CEACAM18: variants seen among roughly 807,000 people sequenced by gnomAD.
CEACAM18 encodes cell adhesion molecule CEACAM18.
In CEACAM18, 33 loss-of-function variants were observed where a neutral mutation model predicts 34.3. That is an observed-to-expected ratio of 0.96 (90% confidence interval 0.73 to 1.29). CEACAM18 has a LOEUF of 1.29. Ranked by LOEUF, CEACAM18 falls within the 50% of genes most tolerant of loss-of-function variation. CEACAM18 has a pLI of 0.00. For synonymous variants in CEACAM18, 169 were observed against 180.9 expected, an observed-to-expected ratio of 0.93 and a Z score of 0.53; for missense variants, 474 against 485.0, an observed-to-expected ratio of 0.98 and a Z score of 0.21.
intron 5 of CEACAM18, among the ~76,000 whole-genome samples, chr19:51,487,126 T>A (rs1262141116): frequency 6.6e-6 from 1 of 152,182 alleles, no homozygotes; most frequent in African/African-American, 2.4e-5. Context: ...ATTGAAAGAT[T>A]AAACATTAAG....
chr19:51,484,200 C>G (rs995046695), intron 4 of CEACAM18, among the ~76,000 whole-genome samples: 1 of 152,206 alleles, frequency 6.6e-6, no homozygotes, highest in Non-Finnish European at 1.5e-5. Context: ...AGCCACACTA[C>G]CTCCTAAGCA....
chr19:51,486,438 G>T (rs1990001022), intron 5 of CEACAM18, among the ~76,000 whole-genome samples: 1 of 152,068 alleles, frequency 6.6e-6, no homozygotes, highest in African/African-American at 2.4e-5. Context: ...TTGCATCATT[G>T]TGCCCGGAGG....
At chr19:51,481,492 C>G in exon 3 of CEACAM18, 2 of 1,613,970 alleles carry the variant, frequency 1.2e-6, no homozygotes, top group Admixed American at 1.7e-5. Flanking sequence ...ACCAACATCA[C>G]GTGGTATGTG....
chr19:51,488,012 T>C (rs540848507), intron 5 of CEACAM18, among the ~76,000 whole-genome samples: 2 of 152,306 alleles, frequency 1.3e-5, no homozygotes, highest in African/African-American at 2.4e-5. Context: ...AAACCAATTA[T>C]GTAGAATGTT....
exon 4 of CEACAM18, chr19:51,483,049 C>G: frequency 6.2e-7 from 1 of 1,614,010 alleles, no homozygotes; most frequent in East Asian, 2.2e-5. Flanking sequence ...GAGGAGCAAT[C>G]CTGATGATTT....
At chr19:51,486,988 C>G (rs1380674299) in intron 5 of CEACAM18, among the ~76,000 whole-genome samples, 1 of 151,828 alleles carries the variant, frequency 6.6e-6, no homozygotes, top group Non-Finnish European at 1.5e-5. Flanking sequence ...TCCCAAAGTG[C>G]TGGGGTTACA....
exon 2 of CEACAM18, chr19:51,480,532 T>C (rs1426502096): frequency 1.2e-6 from 2 of 1,613,984 alleles, no homozygotes; most frequent in Admixed American, 1.7e-5. Context: ...CCCAGCAGCC[T>C]GGGCCCATGT....
intron 5 of CEACAM18, among the ~76,000 whole-genome samples, chr19:51,488,575 G>A (rs973138212): frequency 2.6e-5 from 4 of 152,182 alleles, no homozygotes; most frequent in African/African-American, 9.6e-5. Flanking sequence ...GGAAATGCAG[G>A]GTTGTTGGCT....
At chr19:51,484,544 A>G (rs546205215) in intron 4 of CEACAM18, among the ~76,000 whole-genome samples, 118 of 150,700 alleles carry the variant, frequency 7.8e-4, no homozygotes, top group African/African-American at 2.7e-3. Flanking sequence ...CTGGTCTTGA[A>G]CTCTTGACCT....
intron 3 of CEACAM18, among the ~76,000 whole-genome samples, chr19:51,482,324 G>T (rs1458863323): frequency 6.6e-6 from 1 of 152,202 alleles, no homozygotes; most frequent in Non-Finnish European, 1.5e-5. Flanking sequence ...ACTGCTCACA[G>T]AGTTTAATAA....
exon 6 of CEACAM18, chr19:51,490,855 T>C: frequency 2.6e-6 from 1 of 384,634 alleles, no homozygotes; most frequent in East Asian, 3.7e-5. Flanking sequence ...CATTGGGCGC[T>C]TCATCTGCCA....
At chr19:51,482,037 C>T (rs1989925697) in intron 3 of CEACAM18, among the ~76,000 whole-genome samples, 2 of 152,176 alleles carry the variant, frequency 1.3e-5, no homozygotes, top group South Asian at 2.1e-4. Context: ...AAATTCTGCT[C>T]ATTAATTTCT....
chr19:51,480,399 T>C, exon 2 of CEACAM18: 1 of 1,613,106 alleles, frequency 6.2e-7, no homozygotes, highest in Non-Finnish European at 8.5e-7. Context: ...ACCCTGGGGA[T>C]CAAGGGATAT....
chr19:51,486,957 C>T (rs1428751419), intron 5 of CEACAM18, among the ~76,000 whole-genome samples: 2 of 151,404 alleles, frequency 1.3e-5, no homozygotes, highest in Non-Finnish European at 2.9e-5. Flanking sequence ...CTCCTGACCT[C>T]GTGATCCGCC....
upstream of CEACAM18, chr19:51,478,616 C>T (rs371923661): frequency 4.0e-5 from 63 of 1,575,030 alleles, no homozygotes; most frequent in Middle Eastern, 1.7e-4. Flanking sequence ...GGAGGGACCC[C>T]TCCTCCTGGA....
chr19:51,482,872 G>T, intron 3 of CEACAM18, 145 bp from the exon 4 acceptor site: 1 of 823,920 alleles, frequency 1.2e-6, no homozygotes, highest in Non-Finnish European at 1.9e-6. Flanking sequence ...GGTTATTGTT[G>T]TTGACACAGC....
In CEACAM18 at chr19:51,486,572, A is replaced by T. The variant is rs79210003; in HGVS notation, c.1089+1450A>T. 3.2e-3 allele frequency among the ~76,000 whole-genome samples: 485 copies of T among 152,110 alleles called. 2 individuals are homozygous for T. The highest frequency in any genetic ancestry group is 0.011 in the African/African-American group (459 of 41,460). Reference sequence around the variant, plus strand: ...TCTAGGAAGGAGAGCCCTCATCTCTAGGGGCCAGTCTCCTTCACCTGAGAT... The same window carrying T: ...TCTAGGAAGGAGAGCCCTCATCTCTTGGGGCCAGTCTCCTTCACCTGAGAT... On this transcript the variant is annotated intron_variant, in intron 5 of 5. Transcript: ENST00000396477.
At chr19:51,483,120 C>T (rs375335639) in exon 4 of CEACAM18, 11 of 1,613,900 alleles carry the variant, frequency 6.8e-6, no homozygotes, top group South Asian at 1.1e-5. Context: ...TCTGCTATTC[C>T]TTCCTGGATC....
At chr19:51,483,194 C>T (rs371645325) in exon 4 of CEACAM18, 90 of 1,613,846 alleles carry the variant, frequency 5.6e-5, no homozygotes, top group East Asian at 6.7e-5. Flanking sequence ...ATGAACCTCT[C>T]GAGTCTTGCC....
Sources: gnomAD v4.1 joint callset for allele counts (sites outside exome capture counted in the v4.1 genomes callset) on GRCh38, gnomAD v4.1.1 for gene constraint, MANE v1.5 for transcripts, NCBI Gene and HGNC (gene_info 2026-07-23, HGNC 2026-07-21) for gene names.